The following ZNF385B variants were observed in gnomAD, a reference collection of about 807,000 sequenced individuals.
ZNF385B encodes zinc finger protein 385B, also known as zinc finger protein 533.
Under a neutral mutation model 39.2 loss-of-function variants are expected in ZNF385B, and 23 were observed. The observed-to-expected ratio is 0.59, with a 90% CI of 0.42 to 0.83. ZNF385B has a LOEUF of 0.83. Among genes scored for constraint, ZNF385B ranks in the 40% least tolerant of loss-of-function variants. The pLI is 0.00. For synonymous variants in ZNF385B, 205 were observed against 222.6 expected (o/e 0.92, Z 0.70); for missense variants, 552 against 598.9 (o/e 0.92, Z 0.82).
chr2:179,467,664 T>C (rs1292953098), intron 6 of ZNF385B, among the ~76,000 whole-genome samples: 2 of 152,162 alleles, frequency 1.3e-5, no homozygotes, highest in Non-Finnish European at 2.9e-5. Context: ...TCAAGCATGG[T>C]TCATGACTGT....
intron 3 of ZNF385B, among the ~76,000 whole-genome samples, chr2:179,696,041 T>C (rs1261728319): frequency 6.6e-6 from 1 of 152,214 alleles, no homozygotes; most frequent in Non-Finnish European, 1.5e-5. Flanking sequence ...AATCCATTTA[T>C]ATGAAAGTCC....
intron 3 of ZNF385B, among the ~76,000 whole-genome samples, chr2:179,758,067 A>G (rs357693): frequency 0.97 from 147,459 of 152,206 alleles, 71,594 homozygotes; most frequent in Non-Finnish European, 1. Flanking sequence ...GCTGGGAGCT[A>G]TAGAGTGGAG....
intron 4 of ZNF385B, among the ~76,000 whole-genome samples, chr2:179,540,815 T>A (rs1400644680): frequency 6.6e-6 from 1 of 152,138 alleles, no homozygotes; most frequent in Non-Finnish European, 1.5e-5. Flanking sequence ...CTGGGGCTAC[T>A]TTGGAAACAC....
intron 3 of ZNF385B, among the ~76,000 whole-genome samples, chr2:179,647,857 TC>T (rs1403208170): frequency 6.6e-6 from 1 of 152,160 alleles, no homozygotes; most frequent in African/African-American, 2.4e-5. Flanking sequence ...CAGACAATGA[TC>T]TTATAGGAAT....
intron 3 of ZNF385B, among the ~76,000 whole-genome samples, chr2:179,664,602 A>C (rs569839390): frequency 2.5e-4 from 38 of 152,336 alleles, no homozygotes; most frequent in African/African-American, 8.9e-4. Flanking sequence ...ATGTATAATC[A>C]CAAACATATG....
At chr2:179,479,237 A>G (rs966257543) in intron 6 of ZNF385B, among the ~76,000 whole-genome samples, 7 of 152,210 alleles carry the variant, frequency 4.6e-5, no homozygotes, top group Non-Finnish European at 8.8e-5. Context: ...ATGTAGTTAG[A>G]ACTTCTTATG....
chr2:179,769,460 A>G, intron 3 of ZNF385B, 43 bp downstream of exon 3: 1 of 1,606,586 alleles, frequency 6.2e-7, no homozygotes, highest in African/African-American at 1.3e-5. Context: ...GACCAGGACC[A>G]TCTCTCCCCG....
In ZNF385B at chr2:179,732,171, A is replaced by C. The variant is rs552355296; in HGVS notation, c.298+37332T>G. ...TCTGTTTTTGCTGTCATTTTTCATG[A>C]GGCAAAGAAAGATGGAAATTCACAG... On this transcript the variant is annotated intron_variant, in intron 3 of 9. Coordinates refer to ENST00000410066, the MANE Select transcript of ZNF385B (RefSeq NM_152520.6). 5.3e-5 allele frequency among the ~76,000 whole-genome samples: 8 copies of C among 152,286 alleles called. 1 individual carries two copies. In the South Asian group the frequency reaches 1.7e-3, roughly 32 times the overall value.
intron 3 of ZNF385B, among the ~76,000 whole-genome samples, chr2:179,713,046 T>A (rs1367916897): frequency 6.6e-6 from 1 of 152,152 alleles, no homozygotes; most frequent in African/African-American, 2.4e-5. Context: ...CACTCCACAG[T>A]GGACTGTGTT....
chr2:179,637,016 T>G (rs1691821869), intron 3 of ZNF385B, among the ~76,000 whole-genome samples: 1 of 152,164 alleles, frequency 6.6e-6, no homozygotes, highest in African/African-American at 2.4e-5. Flanking sequence ...GCACTACAAG[T>G]AAAAACATAA....
chr2:179,498,138 G>A (rs1365438389), intron 5 of ZNF385B, among the ~76,000 whole-genome samples: 5 of 152,044 alleles, frequency 3.3e-5, no homozygotes, highest in Non-Finnish European at 7.4e-5. Context: ...TTTCAGCACT[G>A]GGCTGATCTT....
At chr2:179,585,997 A>G (rs1234086574) in intron 3 of ZNF385B, 3 of 152,224 alleles carry the variant, frequency 2.0e-5, no homozygotes, top group Non-Finnish European at 4.4e-5. Flanking sequence ...TCACAGAAAG[A>G]CTTTTCCATT....
chr2:179,835,234 G>A (rs1381863200), intron 1 of ZNF385B, among the ~76,000 whole-genome samples: 1 of 152,186 alleles, frequency 6.6e-6, no homozygotes, highest in Non-Finnish European at 1.5e-5. Flanking sequence ...AAAACCAAAT[G>A]TGTATACAGA....
At chr2:179,638,630 G>C (rs1691977607) in intron 3 of ZNF385B, among the ~76,000 whole-genome samples, 1 of 152,128 alleles carries the variant, frequency 6.6e-6, no homozygotes, top group African/African-American at 2.4e-5. Flanking sequence ...GTGTATGTGT[G>C]TGTTCATTCT....
chr2:179,773,712 G>A (rs905427281), intron 1 of ZNF385B, among the ~76,000 whole-genome samples: 3 of 152,166 alleles, frequency 2.0e-5, no homozygotes, highest in African/African-American at 7.2e-5. Flanking sequence ...AGTGAACACG[G>A]TCAAGGAGAT....
In ZNF385B at chr2:179,553,625, A is replaced by C. The variant is rs908072807; in HGVS notation, c.299-8656T>G. The stretch of plus-strand genomic sequence containing the variant: ...CAGTATGTGGCAGAGCCTGGGTCCA[A>C]ACTCCTGTCCATCTGACTTTAAAGC... On this transcript the variant is annotated intron_variant, in intron 3 of 9. Transcript: ENST00000410066. Among the ~76,000 whole-genome samples the C allele has an allele frequency of 1.3e-5, 2 of 148,972 alleles. 1 individual carries two copies. The highest frequency in any genetic ancestry group is 3.0e-5 in the Non-Finnish European group (2 of 67,468).
chr2:179,664,526 C>T (rs989911938), intron 3 of ZNF385B, among the ~76,000 whole-genome samples: 8 of 151,810 alleles, frequency 5.3e-5, no homozygotes, highest in Non-Finnish European at 1.0e-4. Flanking sequence ...GTCTGAAAAT[C>T]CAGAAGAGAA....
chr2:179,786,424 C>A (rs1467425540), intron 1 of ZNF385B, among the ~76,000 whole-genome samples: 1 of 152,098 alleles, frequency 6.6e-6, no homozygotes, highest in African/African-American at 2.4e-5. Context: ...TTATGAATAT[C>A]TTTCCATGCA....
At chr2:179,832,873 C>T (rs1453996327) in intron 1 of ZNF385B, among the ~76,000 whole-genome samples, 1 of 152,180 alleles carries the variant, frequency 6.6e-6, no homozygotes, top group Non-Finnish European at 1.5e-5. Flanking sequence ...ATTTTGCTGA[C>T]ATTACCTTCA....
Sources: allele counts gnomAD v4.1 joint callset (sites outside exome capture counted in the v4.1 genomes callset), GRCh38; gene constraint gnomAD v4.1.1; transcripts MANE v1.5; gene names NCBI Gene and HGNC (gene_info 2026-07-23, HGNC 2026-07-21).